The following PDE7A variants were observed in gnomAD, a reference collection of about 807,000 sequenced individuals.
PDE7A encodes the protein high affinity 3',5'-cyclic-AMP phosphodiesterase 7A.
PDE7A carries 39 observed loss-of-function variants against 64.3 expected under a neutral mutation model. The observed-to-expected ratio is 0.61, with a 90% confidence interval of 0.47 to 0.79. The LOEUF is 0.79. PDE7A is among the 30% of genes least tolerant of loss of function. PDE7A has a pLI of 0.00. For missense variants in PDE7A, 470 were observed against 582.8 expected (o/e 0.81, Z 1.99); for synonymous variants, 203 against 206.8 (o/e 0.98, Z 0.16).
chr8:65,714,457 T>G lies in PDE7A; in HGVS notation c.*4833A>C, dbSNP rs1806053513. The stretch of plus-strand genomic sequence containing the variant: ...CCATCAGCTCACTCCCAAGTGGTGG[T>G]CATTCCACCTGTAGACCATGGGCTC... On this transcript the variant is annotated 3_prime_UTR_variant, in exon 13 of 13. Coordinates refer to ENST00000401827, the MANE Select transcript of PDE7A (RefSeq NM_001242318.3). The G allele has an allele frequency of 6.6e-6, 1 of 152,080 alleles. No homozygotes were observed. The highest frequency in any genetic ancestry group is 1.5e-5 in the Non-Finnish European group (1 of 68,024). 9.4% of individuals were successfully genotyped at this position (152,080 alleles called of 1,614,324 possible). A position where few individuals can be genotyped will look rare whatever the true frequency, so the allele number is the denominator to read the frequency against.
chr8:65,831,246 T>C (rs1810812309), intron 1 of PDE7A, among the ~76,000 whole-genome samples: 1 of 152,182 alleles, frequency 6.6e-6, no homozygotes, highest in Non-Finnish European at 1.5e-5. Context: ...CTCATCTGGA[T>C]GTTCAGACAC....
At chr8:65,824,893 C>G (rs961811862) in intron 1 of PDE7A, among the ~76,000 whole-genome samples, 13 of 152,110 alleles carry the variant, frequency 8.5e-5, no homozygotes, top group Non-Finnish European at 1.6e-4. Context: ...TCTGAACCCA[C>G]AATATCTGAG....
At chr8:65,831,853 A>G (rs1810830017) in intron 1 of PDE7A, among the ~76,000 whole-genome samples, 2 of 152,192 alleles carry the variant, frequency 1.3e-5, no homozygotes, top group Admixed American at 1.3e-4. Context: ...TATTATTCCT[A>G]AATTAATTTG....
intron 4 of PDE7A, 65 bp downstream of exon 4, chr8:65,747,587 G>A: frequency 2.1e-6 from 2 of 956,018 alleles, no homozygotes; most frequent in Non-Finnish European, 3.1e-6. Flanking sequence ...ATTACTGTAT[G>A]GGGAATAAAG....
At chr8:65,761,573 C>T (rs1386142200) in intron 3 of PDE7A, among the ~76,000 whole-genome samples, 1 of 152,188 alleles carries the variant, frequency 6.6e-6, no homozygotes, top group Non-Finnish European at 1.5e-5. Context: ...GTGAATTAAT[C>T]AAGTTACTAT....
At chr8:65,730,168 CTTCTTTTTTTT>C (rs1806799321) in intron 7 of PDE7A, among the ~76,000 whole-genome samples, 1 of 31,670 alleles carries the variant, frequency 3.2e-5, no homozygotes, top group Non-Finnish European at 5.8e-5. Flanking sequence ...AGGTTGCGCA[CTTCTTTTTTTT>C]TTTTTTTTTT....
chr8:65,746,690 A>C (rs1477319800), intron 4 of PDE7A, among the ~76,000 whole-genome samples: 1 of 152,224 alleles, frequency 6.6e-6, no homozygotes, highest in Admixed American at 6.5e-5. Flanking sequence ...ACTAGTAGAA[A>C]TCATTAATTA....
At chr8:65,839,020 T>A (rs188458941) in intron 1 of PDE7A, among the ~76,000 whole-genome samples, 1 of 152,332 alleles carries the variant, frequency 6.6e-6, no homozygotes, top group African/African-American at 2.4e-5. Context: ...TCATGCTCCA[T>A]ATTGTTTTCA....
At position 65,719,633 on chromosome 8, in the gene PDE7A, G is replaced by C. The variant is rs959608662; in HGVS notation, c.1244-138C>G. The C allele has an allele frequency of 6.3e-6, 4 of 638,408 alleles. No homozygotes were observed. The African/African-American group carries it at 7.3e-5, about 12-fold the overall frequency. The allele number at this position is 638,408 out of a possible 1,614,324, so 39.5% of individuals were successfully genotyped here. On this transcript the variant is annotated intron_variant, in intron 12 of 12. Coordinates refer to ENST00000401827, the MANE Select transcript of PDE7A (RefSeq NM_001242318.3). The stretch of plus-strand genomic sequence containing the variant: ...TATTCTTCAAAAGATTCCTGTGTAT[G>C]TGTAGGTGACAGAGTCTGTAATGTA...
chr8:65,766,414 C>T (rs772337783), intron 3 of PDE7A, among the ~76,000 whole-genome samples: 1 of 152,192 alleles, frequency 6.6e-6, no homozygotes, highest in South Asian at 2.1e-4. Flanking sequence ...GTTACTTACT[C>T]AAAAGAGTGA....
chr8:65,767,052 AT>A (rs2128918127), intron 3 of PDE7A, among the ~76,000 whole-genome samples: 1 of 152,240 alleles, frequency 6.6e-6, no homozygotes, highest in South Asian at 2.1e-4. Context: ...GGACCACTAC[AT>A]CCAACTGAAT....
intron 5 of PDE7A, among the ~76,000 whole-genome samples, chr8:65,743,119 A>G (rs1359196477): frequency 1.3e-5 from 2 of 151,798 alleles, no homozygotes; most frequent in Non-Finnish European, 2.9e-5. Context: ...ATAATAGGCT[A>G]TGAGCTGTGA....
chr8:65,755,333 T>C (rs1808176454), intron 3 of PDE7A, among the ~76,000 whole-genome samples: 1 of 152,200 alleles, frequency 6.6e-6, no homozygotes, highest in Non-Finnish European at 1.5e-5. Flanking sequence ...TTATTGCCTT[T>C]TTAAAATTTA....
chr8:65,730,295 C>T (rs1806823422), intron 7 of PDE7A, among the ~76,000 whole-genome samples: 1 of 146,198 alleles, frequency 6.8e-6, no homozygotes, highest in Admixed American at 7.2e-5. Flanking sequence ...ATTCTTCTGC[C>T]TCAGCCTCCC....
chr8:65,755,644 A>C (rs753764318), intron 3 of PDE7A, among the ~76,000 whole-genome samples: 29 of 152,224 alleles, frequency 1.9e-4, no homozygotes, highest in Non-Finnish European at 3.2e-4. Context: ...ATATAAGTAA[A>C]AGAGGTGTTA....
chr8:65,746,599 A>G (rs1807687211), intron 4 of PDE7A, among the ~76,000 whole-genome samples: 1 of 152,148 alleles, frequency 6.6e-6, no homozygotes, highest in Admixed American at 6.5e-5. Context: ...CTTTTTCTAG[A>G]AAAAAACTTA....
At chr8:65,784,216 G>T (rs533470017) in intron 1 of PDE7A, among the ~76,000 whole-genome samples, 1 of 152,062 alleles carries the variant, frequency 6.6e-6, no homozygotes, top group South Asian at 2.1e-4. Context: ...CAAAAAAAGG[G>T]GCGAGGGGAA....
chr8:65,834,782 C>G (rs912961425), intron 1 of PDE7A, among the ~76,000 whole-genome samples: 9 of 152,138 alleles, frequency 5.9e-5, no homozygotes, highest in Non-Finnish European at 1.3e-4. Flanking sequence ...AATTGCTACT[C>G]AAAGAAAATT....
In PDE7A at chr8:65,751,165, C is replaced by T. The variant is rs542519774; in HGVS notation, c.284-3362G>A. 7.2e-5 allele frequency among the ~76,000 whole-genome samples: 11 copies of T among 152,314 alleles called. No homozygotes were observed. In the East Asian group the frequency reaches 2.1e-3, roughly 29 times the overall value. On this transcript the variant is annotated intron_variant, in intron 3 of 12. Transcript: ENST00000401827. Reference sequence around the variant, plus strand: ...CCTCATACAGGAAGCCTACACGTAACAAGATTATATTCTGGTAAAGAATGA... The same window carrying T: ...CCTCATACAGGAAGCCTACACGTAATAAGATTATATTCTGGTAAAGAATGA...
Sources: gnomAD v4.1 joint callset for allele counts (sites outside exome capture counted in the v4.1 genomes callset) on GRCh38, gnomAD v4.1.1 for gene constraint, MANE v1.5 for transcripts, NCBI Gene and HGNC (gene_info 2026-07-23, HGNC 2026-07-21) for gene names.